Variants in NCKAP5 observed in about 807,000 individuals in gnomAD.
NCKAP5 encodes the protein nck-associated protein 5.
Under a neutral mutation model 167.0 loss-of-function variants are expected in NCKAP5, and 92 were observed. That is an observed-to-expected ratio of 0.55 (90% CI 0.47 to 0.66). The LOEUF is 0.66. Ranked by LOEUF, NCKAP5 falls within the 30% of genes least tolerant of loss-of-function variation. NCKAP5 has a pLI of 0.00. For synonymous variants in NCKAP5, 891 were observed against 877.4 expected, an observed-to-expected ratio of 1.02 and a Z score of -0.27; for missense variants, 2,378 against 2,315.0, an observed-to-expected ratio of 1.03 and a Z score of -0.56.
the NCKAP5 span, among the ~76,000 whole-genome samples, chr2:133,660,560 T>C: frequency 3.3e-3 from 496 of 152,278 alleles, 2 homozygotes; most frequent in African/African-American, 0.011. Flanking sequence ...AGAATCATGA[T>C]TAAAAACACT....
intron 3 of NCKAP5, among the ~76,000 whole-genome samples, chr2:133,386,276 T>A (rs1239843032): frequency 6.6e-6 from 1 of 152,198 alleles, no homozygotes; most frequent in East Asian, 1.9e-4. Flanking sequence ...TCAAAGAACA[T>A]TTTTATTTCT....
intron 6 of NCKAP5, among the ~76,000 whole-genome samples, chr2:133,058,826 C>T (rs531747259): frequency 6.6e-6 from 1 of 152,302 alleles, no homozygotes; most frequent in East Asian, 1.9e-4. Context: ...TGCTATCAAA[C>T]AGCCTTGCTT....
intron 3 of NCKAP5, among the ~76,000 whole-genome samples, chr2:133,383,948 T>C (rs561565405): frequency 2.0e-5 from 3 of 152,362 alleles, no homozygotes; most frequent in South Asian, 2.1e-4. Flanking sequence ...TTGTAGATTC[T>C]GGATATTAGC....
intron 9 of NCKAP5, among the ~76,000 whole-genome samples, chr2:132,875,376 C>T (rs989209366): frequency 6.6e-6 from 1 of 152,322 alleles, no homozygotes; most frequent in Non-Finnish European, 1.5e-5. Context: ...CCCGCTGCTC[C>T]TCCTGCCCTC....
chr2:132,696,429 A>G (rs1366732861), intron 19 of NCKAP5, among the ~76,000 whole-genome samples: 1 of 152,246 alleles, frequency 6.6e-6, no homozygotes, highest in Non-Finnish European at 1.5e-5. Context: ...CTTATGTTCA[A>G]TCACTGATAG....
At chr2:133,647,008 T>C in the NCKAP5 span, among the ~76,000 whole-genome samples, 1 of 151,618 alleles carries the variant, frequency 6.6e-6, no homozygotes, top group Admixed American at 6.6e-5. Flanking sequence ...GGAATCAAAA[T>C]ATATCAGTAC....
chr2:132,942,341 C>G (rs1443959629), intron 8 of NCKAP5, among the ~76,000 whole-genome samples: 2 of 152,252 alleles, frequency 1.3e-5, no homozygotes, highest in Middle Eastern at 3.4e-3. Flanking sequence ...ACTGCTCACT[C>G]TCTCTCCAGG....
intron 4 of NCKAP5, among the ~76,000 whole-genome samples, chr2:133,257,888 A>G (rs2088700898): frequency 6.6e-6 from 1 of 152,116 alleles, no homozygotes. Flanking sequence ...GATGAGGAAA[A>G]CCAGCAGAAG....
At chr2:133,125,430 C>G (rs750213945) in intron 6 of NCKAP5, among the ~76,000 whole-genome samples, 3 of 152,162 alleles carry the variant, frequency 2.0e-5, no homozygotes, top group Admixed American at 6.5e-5. Flanking sequence ...CTACAGCATT[C>G]ACCTTGGCTG....
chr2:133,247,387 AC>A (rs899570252), intron 4 of NCKAP5, among the ~76,000 whole-genome samples: 3 of 152,200 alleles, frequency 2.0e-5, no homozygotes, highest in African/African-American at 7.2e-5. Context: ...TTAATTTCCT[AC>A]CCCTTTAAAA....
chr2:133,674,235 G>C, the NCKAP5 span, among the ~76,000 whole-genome samples: 3 of 70,304 alleles, frequency 4.3e-5, no homozygotes, highest in Admixed American at 2.8e-4. Flanking sequence ...CCCAGGAAGA[G>C]GGAAAAAAGA....
At chr2:133,504,760 G>A (rs1218759479) in intron 3 of NCKAP5, among the ~76,000 whole-genome samples, 1 of 152,200 alleles carries the variant, frequency 6.6e-6, no homozygotes, top group Non-Finnish European at 1.5e-5. Context: ...CAGGGTTGGT[G>A]CATTCCTGGG....
intron 8 of NCKAP5, among the ~76,000 whole-genome samples, chr2:132,900,622 C>T (rs1693546416): frequency 1.3e-5 from 2 of 152,138 alleles, no homozygotes; most frequent in Non-Finnish European, 2.9e-5. Context: ...TCAAGTCCAA[C>T]CACATAATTT....
chr2:133,213,602 A>T, intron 5 of NCKAP5, 114 bp downstream of exon 5: 1 of 994,726 alleles, frequency 1.0e-6, no homozygotes, highest in South Asian at 1.4e-5. Context: ...CCAAAATATC[A>T]TTAAGTTTGC....
At chr2:132,958,000 T>A (rs1475457151) in intron 8 of NCKAP5, among the ~76,000 whole-genome samples, 1 of 152,102 alleles carries the variant, frequency 6.6e-6, no homozygotes, top group African/African-American at 2.4e-5. Context: ...TGTCTTTGAG[T>A]CCCCGTTCTG....
At chr2:133,191,717 A>G (rs10199219) in intron 5 of NCKAP5, among the ~76,000 whole-genome samples, 43,449 of 151,926 alleles carry the variant, frequency 0.29, 6,248 homozygotes, top group South Asian at 0.32. Flanking sequence ...GAATTGAACA[A>G]TGAGAACACT....
rs114435712 is a variant in NCKAP5, at chr2:133,011,889, A to T, written c.342-17650T>A. Among the ~76,000 whole-genome samples, 963 of 152,254 alleles carry T rather than the reference A, an allele frequency of 6.3e-3. 11 individuals are homozygous for T. The highest frequency in any genetic ancestry group is 0.022 in the African/African-American group (910 of 41,542). ...CCTGATTATCTCAATTTCAAAGCCAATTAGAATATTTACAGATGCGGAGGC... is the reference window on the plus strand; with the variant it reads ...CCTGATTATCTCAATTTCAAAGCCATTTAGAATATTTACAGATGCGGAGGC... On this transcript the variant is annotated intron_variant, in intron 6 of 19. Transcript: ENST00000409261.
chr2:133,613,353 A>C, the NCKAP5 span, among the ~76,000 whole-genome samples: 1 of 152,150 alleles, frequency 6.6e-6, no homozygotes, highest in Non-Finnish European at 1.5e-5. Flanking sequence ...ATTAAGAAAG[A>C]TTTTCATTAT....
At chr2:132,788,490 C>A (rs2105094881) in intron 13 of NCKAP5, among the ~76,000 whole-genome samples, 1 of 152,282 alleles carries the variant, frequency 6.6e-6, no homozygotes, top group Middle Eastern at 3.4e-3. Context: ...CCATGTACTG[C>A]CTGTGGCATC....
Sources: gnomAD v4.1 joint callset for allele counts (sites outside exome capture counted in the v4.1 genomes callset) on GRCh38, gnomAD v4.1.1 for gene constraint, MANE v1.5 for transcripts, NCBI Gene and HGNC (gene_info 2026-07-23, HGNC 2026-07-21) for gene names.